Variants in PSMD1 observed in about 807,000 individuals in gnomAD.
PSMD1 encodes the protein 26S proteasome non-ATPase regulatory subunit 1.
PSMD1 carries 18 observed loss-of-function variants against 119.0 expected under a neutral mutation model. The ratio of observed to expected loss-of-function variants is 0.15; its 90% CI spans 0.10 to 0.22. PSMD1 has a LOEUF of 0.22. Among genes scored for constraint, PSMD1 ranks in the 10% least tolerant of loss-of-function variants. PSMD1 has a pLI of 1.00. For synonymous variants in PSMD1, 374 were observed against 396.6 expected (o/e 0.94, Z 0.68); for missense variants, 702 against 1,158.5 (o/e 0.61, Z 5.72).
intron 16 of PSMD1, among the ~76,000 whole-genome samples, chr2:231,134,184 A>G (rs1336407913): frequency 6.6e-6 from 1 of 152,252 alleles, no homozygotes; most frequent in Non-Finnish European, 1.5e-5. Context: ...CTAAAGAGCA[A>G]CAAAGTTGTT....
At chr2:231,080,565 C>T (rs780241278) in intron 12 of PSMD1, among the ~76,000 whole-genome samples, 2 of 152,102 alleles carry the variant, frequency 1.3e-5, no homozygotes, top group South Asian at 4.1e-4. Context: ...TAAAATGTTA[C>T]AACTACAAGT....
chr2:231,078,810 TTTTTTG>T, intron 10 of PSMD1, 63 bp downstream of exon 10: 1 of 1,307,292 alleles, frequency 7.6e-7, no homozygotes, highest in Non-Finnish European at 1.0e-6. Flanking sequence ...TTTTTTTTTT[TTTTTTG>T]TGCAGTCTTA....
chr2:231,122,312 T>C (rs1338693596), intron 16 of PSMD1, among the ~76,000 whole-genome samples: 1 of 152,172 alleles, frequency 6.6e-6, no homozygotes, highest in Non-Finnish European at 1.5e-5. Flanking sequence ...CTTTCTGTTA[T>C]TACTTATAAA....
rs35559920 is a variant in PSMD1, at chr2:231,058,520, C to CT, written c.16+1494dup. On this transcript the variant is annotated intron_variant, in intron 1 of 24. Coordinates refer to ENST00000308696, the MANE Select transcript of PSMD1 (RefSeq NM_002807.4). ...GACATCGTGAAAATTATATACAAAC[C>CT]TTTTTTTTTTTTTTTAAGCTCATTA... Among the ~76,000 whole-genome samples the CT allele has an allele frequency of 5.6e-3, 793 of 142,650 alleles. 6 individuals carry two copies. The highest frequency in any genetic ancestry group is 7.1e-3 in the Non-Finnish European group (459 of 65,006). The allele number at this position is 142,650 out of a possible 152,430, so 93.6% of individuals were successfully genotyped here.
intron 12 of PSMD1, 44 bp from the exon 13 acceptor site, chr2:231,082,839 A>T: frequency 7.1e-7 from 1 of 1,400,794 alleles, no homozygotes; most frequent in Non-Finnish European, 1.0e-6. Context: ...CTTGTATGTT[A>T]AGTACAGTGT....
intron 16 of PSMD1, among the ~76,000 whole-genome samples, chr2:231,123,184 A>G (rs1024943590): frequency 6.6e-6 from 1 of 152,164 alleles, no homozygotes; most frequent in Non-Finnish European, 1.5e-5. Context: ...ATTTTATTAG[A>G]TAGCTTAGGA....
intron 19 of PSMD1, among the ~76,000 whole-genome samples, chr2:231,157,971 C>T (rs1304298520): frequency 6.6e-6 from 1 of 152,088 alleles, no homozygotes; most frequent in Non-Finnish European, 1.5e-5. Context: ...CACTGTGCTG[C>T]AACTGCGTTA....
At chr2:231,079,339 G>T (rs41265099) in intron 10 of PSMD1, among the ~76,000 whole-genome samples, 197 bp from the exon 11 acceptor site, 1 of 151,872 alleles carries the variant, frequency 6.6e-6, no homozygotes, top group Admixed American at 6.6e-5. Flanking sequence ...GTAGAATTAC[G>T]TATCGTGCAT....
intron 2 of PSMD1, among the ~76,000 whole-genome samples, chr2:231,061,521 G>A (rs937915775): frequency 1.6e-4 from 25 of 152,060 alleles, no homozygotes; most frequent in African/African-American, 5.8e-4. Flanking sequence ...ACCTCGTTAC[G>A]ACACTTGAAT....
intron 4 of PSMD1, 23 bp downstream of exon 4, chr2:231,062,698 G>T: frequency 2.0e-6 from 3 of 1,511,664 alleles, no homozygotes; most frequent in South Asian, 2.7e-5. Flanking sequence ...TATCTGGTAA[G>T]GCTTTATCTT....
intron 16 of PSMD1, among the ~76,000 whole-genome samples, chr2:231,130,251 A>G (rs1471554099): frequency 6.6e-6 from 1 of 152,242 alleles, no homozygotes; most frequent in East Asian, 1.9e-4. Flanking sequence ...GCAAATTTAT[A>G]ATTGTCTAAG....
intron 7 of PSMD1, 94 bp downstream of exon 7, chr2:231,072,509 A>G: frequency 8.4e-7 from 1 of 1,196,636 alleles, no homozygotes. Context: ...TATTCTAAGA[A>G]TAAATTTTGC....
intron 16 of PSMD1, among the ~76,000 whole-genome samples, chr2:231,095,416 A>G (rs1238147990): frequency 6.6e-6 from 1 of 152,242 alleles, no homozygotes; most frequent in African/African-American, 2.4e-5. Flanking sequence ...TTTAGGTGCT[A>G]TGTTTAAACC....
At chr2:231,080,105 T>C (rs1293002889) in intron 11 of PSMD1, 36 bp from the exon 12 acceptor site, 24 of 1,546,432 alleles carry the variant, frequency 1.6e-5, no homozygotes, top group Non-Finnish European at 2.1e-5. Flanking sequence ...TCTTACTTTC[T>C]CTTTTTGATG....
At chr2:231,131,852 T>C (rs1206303410) in intron 16 of PSMD1, among the ~76,000 whole-genome samples, 4 of 152,212 alleles carry the variant, frequency 2.6e-5, no homozygotes, top group Middle Eastern at 6.8e-3. Context: ...AAGAATATTA[T>C]GGTTTTACTG....
At chr2:231,107,723 G>A (rs982949745) in intron 16 of PSMD1, among the ~76,000 whole-genome samples, 2 of 152,152 alleles carry the variant, frequency 1.3e-5, no homozygotes, top group African/African-American at 2.4e-5. Flanking sequence ...AGCATACATA[G>A]GCAGGCATGA....
At chr2:231,167,996 C>T (rs1458676790) in intron 23 of PSMD1, among the ~76,000 whole-genome samples, 1 of 152,198 alleles carries the variant, frequency 6.6e-6, no homozygotes, top group Non-Finnish European at 1.5e-5. Context: ...AGGAGGATTG[C>T]TTGAGCCCAG....
chr2:231,165,034 T>TTATATATATATATATATA (rs66656378), intron 21 of PSMD1, 166 bp from the exon 22 acceptor site: 2 of 21,838 alleles, frequency 9.2e-5, no homozygotes, highest in Non-Finnish European at 7.6e-5. Context: ...TTATATATAT[T>TTATATATATATATATATA]TATATATATA....
chr2:231,063,925 A>G (rs1182757325), intron 4 of PSMD1, among the ~76,000 whole-genome samples: 1 of 152,126 alleles, frequency 6.6e-6, no homozygotes, highest in African/African-American at 2.4e-5. Flanking sequence ...TGGCCTCCCA[A>G]AGTGTTGGAA....
Sources: gnomAD v4.1 joint callset for allele counts (sites outside exome capture counted in the v4.1 genomes callset) on GRCh38, gnomAD v4.1.1 for gene constraint, MANE v1.5 for transcripts, NCBI Gene and HGNC (gene_info 2026-07-23, HGNC 2026-07-21) for gene names.